Variants in JPH2 observed in about 807,000 individuals in gnomAD.
JPH2 encodes the protein junctophilin 2.
In JPH2, 38 loss-of-function variants were observed where a neutral mutation model predicts 55.9. The ratio of observed to expected loss-of-function variants is 0.68; its 90% CI spans 0.52 to 0.89. The LOEUF is 0.89. JPH2 is among the 40% of genes least tolerant of loss of function. The pLI is 0.00. For synonymous variants in JPH2, 480 were observed against 472.4 expected, an observed-to-expected ratio of 1.02 and a Z score of -0.21; for missense variants, 964 against 1,037.6, an observed-to-expected ratio of 0.93 and a Z score of 0.97.
chr20:44,159,289 G>A lies in JPH2; in HGVS notation c.1169+329C>T, dbSNP rs1363995711. On this transcript the variant is annotated intron_variant, in intron 2 of 5. Coordinates refer to ENST00000372980, the MANE Select transcript of JPH2 (RefSeq NM_020433.5). This position sits in a 1 kb window ranked among gnomAD's most constrained non-coding sequence, Gnocchi z 5.7. ...TGCGAGGTTGTGTGGATAGATGGAT[G>A]ACTGGATGACTGGGTGGGTAAACAG... Among the ~76,000 whole-genome samples the A allele has an allele frequency of 1.3e-5, 2 of 152,098 alleles. No homozygotes were observed. The highest frequency in any genetic ancestry group is 2.9e-5 in the Non-Finnish European group (2 of 68,016).
chr20:44,130,861 A>G (rs1178269498), intron 2 of JPH2, among the ~76,000 whole-genome samples: 1 of 152,098 alleles, frequency 6.6e-6, no homozygotes, highest in Non-Finnish European at 1.5e-5. Context: ...CACAGTGTAC[A>G]CACCTATTTT....
chr20:44,136,385 T>A (rs936412239), intron 2 of JPH2, among the ~76,000 whole-genome samples: 1 of 152,136 alleles, frequency 6.6e-6, no homozygotes, highest in African/African-American at 2.4e-5. Context: ...CTTTGCCTAT[T>A]CTGCTCCCTG....
chr20:44,116,162 C>T lies in JPH2; in HGVS notation c.1513G>A (p.Gly505Ser), dbSNP rs140740776. ...KRPRPGVSKD[G>S]LLSPGAWNGE... ...TTCCAGGCGCCTGGGCTCAGCAGGC[C>T]GTCCTTGGACACCCCGGGCCTGGGC... Residue 505 changes from glycine (G) to serine (S), a missense_variant, in exon 4 of 6, where the codon GGC becomes AGC. Gly to Ser is a moderately conservative substitution (Grantham distance 56, BLOSUM62 0). Transcript: ENST00000372980. 6.2e-3 allele frequency: 8,814 copies of T among 1,414,254 alleles called. 67 individuals are homozygous for T. The highest frequency in any genetic ancestry group is 0.021 in the South Asian group (1,386 of 64,830). The allele number at this position is 1,414,254 out of a possible 1,614,324, so 87.6% of individuals were successfully genotyped here. A position where few individuals can be genotyped will look rare whatever the true frequency, so the allele number is the denominator to read the frequency against.
intron 2 of JPH2, among the ~76,000 whole-genome samples, chr20:44,140,548 G>A (rs1013942315): frequency 1.3e-5 from 2 of 152,158 alleles, no homozygotes; most frequent in Admixed American, 6.5e-5. Flanking sequence ...CACTTCAGCA[G>A]CAATGCAATA....
intron 2 of JPH2, among the ~76,000 whole-genome samples, chr20:44,152,156 C>A (rs564847628): frequency 1.3e-5 from 2 of 152,354 alleles, no homozygotes; most frequent in African/African-American, 4.8e-5. Flanking sequence ...ACAAGCCTGG[C>A]ACAGGGTAAG....
chr20:44,162,952 T>C (rs1245103385), intron 1 of JPH2, among the ~76,000 whole-genome samples: 2 of 151,468 alleles, frequency 1.3e-5, no homozygotes, highest in African/African-American at 2.4e-5. Flanking sequence ...ATTTAATATA[T>C]ACATCCATTA....
chr20:44,160,153 C>A lies in JPH2; in HGVS notation c.634G>T (p.Ala212Ser). The A allele has an allele frequency of 1.4e-6, 2 of 1,427,028 alleles. No individual in the cohort carries two copies. The highest frequency in any genetic ancestry group is 1.5e-5 in the African/African-American group (1 of 65,834). The allele number at this position is 1,427,028 out of a possible 1,614,324, so 88.4% of individuals were successfully genotyped here. The change falls in exon 2 of 6, where the codon GCG (alanine) becomes TCG (serine). Residue 212 changes from alanine to serine, a missense_variant. By Grantham distance (99) the Ala-to-Ser change is moderately conservative. Transcript: ENST00000372980. This position sits in a 1 kb window ranked among gnomAD's most constrained non-coding sequence, Gnocchi z 4.9. ...LSLLANAEAA[A>S]RAPKGGGLFQ... ...AGGCCGCCGCCCTTGGGCGCCCGCGCGGCCGCCTCGGCATTGGCCAGGAGG... is the reference window on the plus strand; with the variant it reads ...AGGCCGCCGCCCTTGGGCGCCCGCGAGGCCGCCTCGGCATTGGCCAGGAGG...
At chr20:44,114,525 C>A (rs1461492026) in intron 5 of JPH2, among the ~76,000 whole-genome samples, 2 of 151,270 alleles carry the variant, frequency 1.3e-5, no homozygotes, top group Non-Finnish European at 2.9e-5. Context: ...GCTCACCTGA[C>A]AGAGAGCAGG....
At chr20:44,167,344 C>T (rs1444529714) in intron 1 of JPH2, among the ~76,000 whole-genome samples, 1 of 152,174 alleles carries the variant, frequency 6.6e-6, no homozygotes, top group South Asian at 2.1e-4. Context: ...AGTTCCCAGG[C>T]CCAAGGAAAT....
At chr20:44,118,917 G>T (rs578017403) in intron 2 of JPH2, among the ~76,000 whole-genome samples, 1 of 152,296 alleles carries the variant, frequency 6.6e-6, no homozygotes, top group South Asian at 2.1e-4. Context: ...CTATTTCCAG[G>T]CTTGGCCCAT....
In JPH2 at chr20:44,159,028, G is replaced by A. The variant is rs751468903; in HGVS notation, c.1169+590C>T. Among the ~76,000 whole-genome samples, 1 of 152,074 alleles carries A rather than the reference G, an allele frequency of 6.6e-6. No individual in the cohort carries two copies. The highest frequency in any genetic ancestry group is 1.5e-5 in the Non-Finnish European group (1 of 68,022). ...GAGTCGATGAATGGATGGGTGATGA[G>A]CTGGTTGAGTAGGTAAAAGGATGAA... On this transcript the variant is annotated intron_variant, in intron 2 of 5. Coordinates refer to ENST00000372980, the MANE Select transcript of JPH2 (RefSeq NM_020433.5). The surrounding 1 kb of genome is among the most constrained non-coding windows in gnomAD (Gnocchi z 5.7).
intron 1 of JPH2, among the ~76,000 whole-genome samples, chr20:44,176,318 CTTTTTTTTTT>C (rs58088590): frequency 1.8e-5 from 2 of 113,652 alleles, no homozygotes; most frequent in African/African-American, 3.3e-5. Context: ...TCCTATCTGT[CTTTTTTTTTT>C]TTTTTTTTTT....
Position 44,159,748 on chromosome 20 carries a change from C to G in JPH2, c.1039G>C (p.Val347Leu). 1.2e-6 allele frequency: 2 copies of G among 1,613,782 alleles called. No homozygotes were observed. The highest frequency in any genetic ancestry group is 1.7e-6 in the Non-Finnish European group (2 of 1,179,972). ...EEGKYRHNVL[V>L]KDTKRRMLQL... ...AGCATGCGGCGCTTGGTGTCCTTGA[C>G]CAGCACGTTGTGGCGGTACTTGCCC... Residue 347 changes from valine to leucine, a missense_variant, in exon 2 of 6, where the codon GTC becomes CTC. Val to Leu is a conservative substitution (Grantham distance 32). Coordinates refer to ENST00000372980, the MANE Select transcript of JPH2 (RefSeq NM_020433.5). This position sits in a 1 kb window ranked among gnomAD's most constrained non-coding sequence, Gnocchi z 5.7.
intron 1 of JPH2, among the ~76,000 whole-genome samples, chr20:44,179,320 A>G (rs2072761378): frequency 6.6e-6 from 1 of 152,236 alleles, no homozygotes; most frequent in Non-Finnish European, 1.5e-5. Flanking sequence ...ATAGAATTAC[A>G]ATGTAAAATA....
chr20:44,153,281 C>T (rs900733988), intron 2 of JPH2, among the ~76,000 whole-genome samples: 5 of 152,196 alleles, frequency 3.3e-5, no homozygotes, highest in Non-Finnish European at 7.3e-5. Flanking sequence ...CTCTCTGCAG[C>T]ATTACTTTCA....
chr20:44,183,373 G>T (rs2072803198), intron 1 of JPH2, among the ~76,000 whole-genome samples: 1 of 152,208 alleles, frequency 6.6e-6, no homozygotes, highest in Non-Finnish European at 1.5e-5. Flanking sequence ...CTGTGCTCAG[G>T]GCTGTTCAGT....
rs2072370896 is a variant in JPH2 at position 44,134,372 on chromosome 20, A to AATATATATAATATTTATTATAAAT, written c.1170-15750_1170-15749insATTTATAATAAATATTATATATAT. Among the ~76,000 whole-genome samples, 2 of 7,904 alleles carry AATATATATAATATTTATTATAAAT rather than the reference A, an allele frequency of 2.5e-4. 1 individual carries two copies. Among genetic ancestry groups the AATATATATAATATTTATTATAAAT allele is most frequent in the African/African-American group, 1.2e-3 (2 of 1,734 alleles). The allele number at this position is 7,904 out of a possible 152,430, so 5.2% of individuals were successfully genotyped here. ...ATTATAAATATATATATTTATTATAAATATATATAAATAAATATATATTTA... is the reference window on the plus strand; with the variant it reads ...ATTATAAATATATATATTTATTATAAATATATATAATATTTATTATAAATATATATATAAATAAATATATATTTA... On this transcript the variant is annotated intron_variant, in intron 2 of 5. Coordinates refer to ENST00000372980, the MANE Select transcript of JPH2 (RefSeq NM_020433.5).
At position 44,126,955 on chromosome 20, in the gene JPH2, T is replaced by G. The variant is rs564505434; in HGVS notation, c.1170-8332A>C. 3.3e-5 allele frequency among the ~76,000 whole-genome samples: 5 copies of G among 152,372 alleles called. No homozygotes were observed. In the South Asian group the frequency reaches 1.0e-3, roughly 32 times the overall value. ...AAATTACTGGGAGTCTGAAATGAGA[T>G]AGCACAAATGTGCTTAGCATGAACT... On this transcript the variant is annotated intron_variant, in intron 2 of 5. Coordinates refer to ENST00000372980, the MANE Select transcript of JPH2 (RefSeq NM_020433.5).
chr20:44,142,841 G>A (rs1474485379), intron 2 of JPH2, among the ~76,000 whole-genome samples: 1 of 152,158 alleles, frequency 6.6e-6, no homozygotes, highest in Non-Finnish European at 1.5e-5. Flanking sequence ...CATGGAGGGT[G>A]CCCCATGCTG....
Sources: gnomAD v4.1 joint callset for allele counts (sites outside exome capture counted in the v4.1 genomes callset) on GRCh38, gnomAD v4.1.1 for gene constraint, Gnocchi (gnomAD v3.1) non-coding constraint, MANE v1.5 for transcripts, NCBI Gene and HGNC (gene_info 2026-07-23, HGNC 2026-07-21) for gene names.